Variants in APAF1 observed in about 807,000 individuals in gnomAD.
APAF1 encodes the protein apoptotic peptidase activating factor 1, also known as apoptotic protease-activating factor 1.
Under a neutral mutation model 152.4 loss-of-function variants are expected in APAF1, and 91 were observed. The ratio of observed to expected loss-of-function variants is 0.60; its 90% CI spans 0.50 to 0.71. The LOEUF (loss-of-function observed/expected upper bound fraction) is 0.71. Among genes scored for constraint, APAF1 ranks in the 30% least tolerant of loss-of-function variants. APAF1 has a pLI of 0.00. For synonymous variants in APAF1, 484 were observed against 494.1 expected, an observed-to-expected ratio of 0.98 and a Z score of 0.27; for missense variants, 1,283 against 1,472.0, an observed-to-expected ratio of 0.87 and a Z score of 2.10.
At chr12:98,712,583 C>G in intron 21 of APAF1, 148 bp downstream of exon 21, 2 of 641,842 alleles carry the variant, frequency 3.1e-6, no homozygotes, top group Non-Finnish European at 5.6e-6. Context: ...GTGACACGAT[C>G]ACAGCCGACT....
At chr12:98,731,700 T>C (rs923129578) in intron 26 of APAF1, among the ~76,000 whole-genome samples, 1 of 152,202 alleles carries the variant, frequency 6.6e-6, no homozygotes, top group African/African-American at 2.4e-5. Flanking sequence ...TGAGGCCTTT[T>C]CAGAATAAGT....
At chr12:98,657,948 C>T (rs183070117) in intron 4 of APAF1, among the ~76,000 whole-genome samples, 229 of 152,226 alleles carry the variant, frequency 1.5e-3, no homozygotes, top group African/African-American at 5.1e-3. Context: ...TGCATATATA[C>T]AAGTATCTCT....
Position 98,649,562 on chromosome 12 carries a change from C to A in APAF1, c.404C>A (p.Ala135Glu). 1.2e-6 allele frequency: 2 copies of A among 1,614,084 alleles called. No homozygotes were observed. The highest frequency in any genetic ancestry group is 1.7e-6 in the Non-Finnish European group (2 of 1,179,966). The change falls in exon 4 of 27, where the codon GCA (alanine) becomes GAA (glutamate). Residue 135 changes from alanine to glutamate, a missense_variant. Ala to Glu is a moderately radical substitution (Grantham distance 107). Coordinates refer to ENST00000551964, the MANE Select transcript of APAF1 (RefSeq NM_181861.2). ...GTCACAAGGAAGAAGCTGGTGAATG[C>A]AATTCAGCAGAAGCTCTCCAAATTG... ...VFVTRKKLVN[A>E]IQQKLSKLKG...
At chr12:98,685,194 A>G (rs1416822045) in intron 15 of APAF1, among the ~76,000 whole-genome samples, 2 of 152,236 alleles carry the variant, frequency 1.3e-5, no homozygotes, top group Non-Finnish European at 2.9e-5. Flanking sequence ...ATCACCAGAG[A>G]TGACTATAAT....
Position 98,725,562 on chromosome 12 carries a change from G to GCTTTGCTGACATGAA in APAF1, c.3456+22_3456+23insCTTTGCTGACATGAA, listed in dbSNP as rs1565895944. On this transcript the variant is annotated intron_variant, in intron 25 of 26. Transcript: ENST00000551964. Reference sequence around the variant, plus strand: ...CAGGGTAGGCTGTTTGCTGACATGAGAGCACTGCTCTTCTTGTAGCTTGGG... The same window carrying GCTTTGCTGACATGAA: ...CAGGGTAGGCTGTTTGCTGACATGAGCTTTGCTGACATGAAAGCACTGCTCTTCTTGTAGCTTGGG... 1.9e-6 allele frequency: 3 copies of GCTTTGCTGACATGAA among 1,613,764 alleles called. No homozygotes were observed. The South Asian group carries it at 3.3e-5, about 18-fold the overall frequency.
chr12:98,727,948 G>A (rs1432856586), intron 26 of APAF1, among the ~76,000 whole-genome samples: 4 of 140,832 alleles, frequency 2.8e-5, no homozygotes, highest in African/African-American at 8.1e-5. Flanking sequence ...TCTCAAAAAA[G>A]AAAATAAATA....
At chr12:98,698,412 G>T (rs2097711926) in intron 16 of APAF1, among the ~76,000 whole-genome samples, 2 of 152,080 alleles carry the variant, frequency 1.3e-5, no homozygotes, top group South Asian at 4.1e-4. Context: ...GTAACTGAAG[G>T]TTCAGGCTTT....
At chr12:98,701,822 A>G (rs963233626) in intron 17 of APAF1, among the ~76,000 whole-genome samples, 5 of 151,968 alleles carry the variant, frequency 3.3e-5, no homozygotes, top group Admixed American at 6.6e-5. Context: ...TTTCTTTCCA[A>G]TTCCTATGTG....
In APAF1 at chr12:98,729,635, A is replaced by G. The variant is rs150369319; in HGVS notation, c.3600+2319A>G. On this transcript the variant is annotated intron_variant, in intron 26 of 26. Coordinates refer to ENST00000551964, the MANE Select transcript of APAF1 (RefSeq NM_181861.2). The stretch of plus-strand genomic sequence containing the variant: ...GGACATTCTGAAAGCTTTTTCATTC[A>G]AAATTGATTCCTAATAAGATCTTAT... Among the ~76,000 whole-genome samples, 839 of 152,368 alleles carry G rather than the reference A, an allele frequency of 5.5e-3. 5 individuals carry two copies. The highest frequency in any genetic ancestry group is 8.2e-3 in the Non-Finnish European group (557 of 68,030).
Position 98,667,414 on chromosome 12 carries a change from C to T in APAF1, c.1363-99C>T, listed in dbSNP as rs989574388. 25 of 1,470,918 alleles carry T rather than the reference C, an allele frequency of 1.7e-5. No homozygotes were observed. In the African/African-American group the frequency reaches 3.0e-4, roughly 18 times the overall value. 91.1% of individuals were successfully genotyped at this position (1,470,918 alleles called of 1,614,324 possible). The stretch of plus-strand genomic sequence containing the variant: ...TACAGGCGTGAGCCACCGAGCCCGG[C>T]CTCTCTGTACATTCTTAATAGCTTT... On this transcript the variant is annotated intron_variant, in intron 9 of 26. Coordinates refer to ENST00000551964, the MANE Select transcript of APAF1 (RefSeq NM_181861.2).
At chr12:98,675,675 G>T (rs945274239) in intron 12 of APAF1, among the ~76,000 whole-genome samples, 1 of 152,106 alleles carries the variant, frequency 6.6e-6, no homozygotes, top group African/African-American at 2.4e-5. Flanking sequence ...GGATGTGGTG[G>T]GTTACATGCA....
intron 12 of APAF1, among the ~76,000 whole-genome samples, chr12:98,674,285 C>G (rs1215616813): frequency 6.6e-6 from 1 of 152,156 alleles, no homozygotes; most frequent in Non-Finnish European, 1.5e-5. Flanking sequence ...AGCCACCACA[C>G]CCAGCAGGTT....
intron 15 of APAF1, among the ~76,000 whole-genome samples, chr12:98,685,480 TG>T (rs1225918744): frequency 6.7e-6 from 1 of 148,196 alleles, no homozygotes; most frequent in Admixed American, 6.7e-5. Flanking sequence ...GGACTACAGG[TG>T]CCGTGCCACC....
intron 4 of APAF1, among the ~76,000 whole-genome samples, chr12:98,655,822 C>T (rs1022679308): frequency 6.6e-6 from 1 of 151,042 alleles, no homozygotes; most frequent in African/African-American, 2.4e-5. Context: ...CTCACTCTGT[C>T]GCCCAGGTTG....
intron 16 of APAF1, among the ~76,000 whole-genome samples, chr12:98,697,151 C>G (rs1004347994): frequency 2.0e-5 from 3 of 152,084 alleles, no homozygotes; most frequent in African/African-American, 7.2e-5. Context: ...CTGGAGTGTT[C>G]CCCTGTCTTT....
At chr12:98,726,497 A>G (rs976062380) in intron 25 of APAF1, 2 of 153,372 alleles carry the variant, frequency 1.3e-5, no homozygotes, top group African/African-American at 4.8e-5. Context: ...TACAGTTTGC[A>G]GGAACAGAGG....
At chr12:98,654,075 C>T (rs1203614431) in intron 4 of APAF1, among the ~76,000 whole-genome samples, 5 of 152,142 alleles carry the variant, frequency 3.3e-5, no homozygotes, top group Admixed American at 6.5e-5. Context: ...ACAGCCTCCT[C>T]ATGCAAAGCT....
At chr12:98,686,710 A>G in intron 15 of APAF1, 38 bp from the exon 16 acceptor site, 4 of 1,594,526 alleles carry the variant, frequency 2.5e-6, no homozygotes, top group Non-Finnish European at 3.4e-6. Flanking sequence ...CCCACTCAAT[A>G]CTAGTTGTTT....
intron 12 of APAF1, 31 bp downstream of exon 12, chr12:98,671,750 G>A (rs762945871): frequency 6.3e-7 from 1 of 1,595,736 alleles, no homozygotes; most frequent in Non-Finnish European, 8.6e-7. Context: ...ACCAAAGGGA[G>A]TGGTGCGCTA....
Sources: allele counts gnomAD v4.1 joint callset (sites outside exome capture counted in the v4.1 genomes callset), GRCh38; gene constraint gnomAD v4.1.1; transcripts MANE v1.5; gene names NCBI Gene and HGNC (gene_info 2026-07-23, HGNC 2026-07-21).